AGPAT4: variants seen among roughly 807,000 people sequenced by gnomAD.
AGPAT4 encodes the protein 1-acyl-sn-glycerol-3-phosphate acyltransferase delta.
Under a neutral mutation model 48.0 loss-of-function variants are expected in AGPAT4, and 15 were observed. That is an observed-to-expected ratio of 0.31 (90% CI 0.21 to 0.48). The LOEUF is 0.48. AGPAT4 is among the 20% of genes least tolerant of loss of function. The probability of loss-of-function intolerance (pLI) is 0.99; values close to 1 mark genes in which losing one functional copy is unlikely to be tolerated. For synonymous variants in AGPAT4, 178 were observed against 198.7 expected, an observed-to-expected ratio of 0.90 and a Z score of 0.88; for missense variants, 314 against 482.5, an observed-to-expected ratio of 0.65 and a Z score of 3.27.
At chr6:161,252,562 G>A (rs781279477) in intron 1 of AGPAT4, among the ~76,000 whole-genome samples, 23 of 152,156 alleles carry the variant, frequency 1.5e-4, no homozygotes, top group Admixed American at 2.6e-4. Context: ...AGAAGCTCAC[G>A]CCTATAGTCC....
chr6:161,211,561 C>T (rs764262754), intron 2 of AGPAT4, among the ~76,000 whole-genome samples: 5 of 151,846 alleles, frequency 3.3e-5, no homozygotes, highest in South Asian at 4.1e-4. Context: ...GAAAGAGGGA[C>T]GTTCAGGACA....
rs1301942629 is a variant in AGPAT4, at chr6:161,201,256, C to T, written c.178+30780G>A. On this transcript the variant is annotated intron_variant, in intron 2 of 8. Transcript: ENST00000320285. The surrounding 1 kb of genome is among the most constrained non-coding windows in gnomAD (Gnocchi z 6.0). ...TCAGATAAGGTGAAGGTTAAGAAGCCATTAATGAAAAATGACAATTTTCTC... is the reference window on the plus strand; with the variant it reads ...TCAGATAAGGTGAAGGTTAAGAAGCTATTAATGAAAAATGACAATTTTCTC... Among the ~76,000 whole-genome samples, 2 of 152,024 alleles carry T rather than the reference C, an allele frequency of 1.3e-5. No homozygotes were observed. The highest frequency in any genetic ancestry group is 3.9e-4 in the East Asian group (2 of 5,190).
At position 161,146,817 on chromosome 6, in the gene AGPAT4, G is replaced by A. The variant is rs112206510; in HGVS notation, c.768-218C>T. The stretch of plus-strand genomic sequence containing the variant: ...ATGACCCACGAAGGAACAACCCAGG[G>A]GCCAATTCAATGGCACAGACAGATG... On this transcript the variant is annotated intron_variant, in intron 6 of 8. Coordinates refer to ENST00000320285, the MANE Select transcript of AGPAT4 (RefSeq NM_020133.3). The surrounding 1 kb of genome is among the most constrained non-coding windows in gnomAD (Gnocchi z 7.1). Among the ~76,000 whole-genome samples the A allele has an allele frequency of 0.011, 1,686 of 152,106 alleles. 36 individuals carry two copies. Among genetic ancestry groups the A allele is most frequent in the African/African-American group, 0.039 (1,605 of 41,474 alleles).
chr6:161,159,616 T>C lies in AGPAT4; in HGVS notation c.349-5306A>G, dbSNP rs1779863889. ...CAGTTTGTGTGCACGCGTGCGTGTGTGTGTGTGTTCATCAAAAGGTGAGAG... is the reference window on the plus strand; with the variant it reads ...CAGTTTGTGTGCACGCGTGCGTGTGCGTGTGTGTTCATCAAAAGGTGAGAG... On this transcript the variant is annotated intron_variant, in intron 3 of 8. Coordinates refer to ENST00000320285, the MANE Select transcript of AGPAT4 (RefSeq NM_020133.3). This position sits in a 1 kb window ranked among gnomAD's most constrained non-coding sequence, Gnocchi z 4.1. 6.6e-6 allele frequency among the ~76,000 whole-genome samples: 1 copy of C among 152,200 alleles called. No homozygotes were observed. The highest frequency in any genetic ancestry group is 1.5e-5 in the Non-Finnish European group (1 of 68,038).
intron 2 of AGPAT4, among the ~76,000 whole-genome samples, chr6:161,192,597 G>A (rs910721): frequency 0.89 from 136,128 of 152,276 alleles, 60,999 homozygotes; most frequent in African/African-American, 0.97. Flanking sequence ...ATCTATCCAC[G>A]TATCACCTTT....
In AGPAT4 at chr6:161,218,254, A is replaced by G. The variant is rs1279932692; in HGVS notation, c.178+13782T>C. ...AGGGGAGGCAGTAGGTGGGAGGAAA[A>G]AAAGCCCTGATTTATAGTTCTGCCG... On this transcript the variant is annotated intron_variant, in intron 2 of 8. Coordinates refer to ENST00000320285, the MANE Select transcript of AGPAT4 (RefSeq NM_020133.3). This position sits in a 1 kb window ranked among gnomAD's most constrained non-coding sequence, Gnocchi z 4.7. Among the ~76,000 whole-genome samples the G allele has an allele frequency of 6.6e-6, 1 of 152,206 alleles. No homozygotes were observed. The highest frequency in any genetic ancestry group is 1.5e-5 in the Non-Finnish European group (1 of 68,038).
intron 2 of AGPAT4, among the ~76,000 whole-genome samples, chr6:161,179,717 C>T (rs1209908131): frequency 6.6e-6 from 1 of 152,116 alleles, no homozygotes; most frequent in African/African-American, 2.4e-5. Flanking sequence ...AGGATGAAGA[C>T]CTCTATGATG....
intron 2 of AGPAT4, among the ~76,000 whole-genome samples, chr6:161,176,433 GT>G (rs1562324960): frequency 6.6e-6 from 1 of 152,170 alleles, no homozygotes; most frequent in East Asian, 1.9e-4. Flanking sequence ...TTTAAAGTCT[GT>G]TTTATCAGAG....
rs1562343648 is a variant in AGPAT4 at position 161,219,874 on chromosome 6, G to GATA, written c.178+12161_178+12162insTAT. 0.029 allele frequency among the ~76,000 whole-genome samples: 3,271 copies of GATA among 112,092 alleles called. 61 individuals carry two copies. The highest frequency in any genetic ancestry group is 0.035 in the Non-Finnish European group (1,788 of 51,690). 73.5% of individuals were successfully genotyped at this position (112,092 alleles called of 152,430 possible). On this transcript the variant is annotated intron_variant, in intron 2 of 8. Transcript: ENST00000320285. This position sits in a 1 kb window ranked among gnomAD's most constrained non-coding sequence, Gnocchi z 4.9. The stretch of plus-strand genomic sequence containing the variant: ...AGATAGATAGATAGATAGATAGATA[G>GATA]GCAGGCAGGCAGGCAGGCAGGCAGG...
intron 1 of AGPAT4, among the ~76,000 whole-genome samples, chr6:161,260,744 G>A (rs1425498716): frequency 6.6e-6 from 1 of 151,138 alleles, no homozygotes; most frequent in East Asian, 1.9e-4. Flanking sequence ...AACATTAGCT[G>A]GGTGTGGTGG....
At chr6:161,211,907 A>AG (rs1781531824) in intron 2 of AGPAT4, among the ~76,000 whole-genome samples, 1 of 152,184 alleles carries the variant, frequency 6.6e-6, no homozygotes, top group African/African-American at 2.4e-5. Context: ...CCTGAGACAC[A>AG]GGGCCAGAAA....
intron 2 of AGPAT4, among the ~76,000 whole-genome samples, chr6:161,181,451 C>T (rs1271880681): frequency 1.3e-5 from 2 of 150,786 alleles, no homozygotes; most frequent in African/African-American, 4.9e-5. Context: ...CACACCCATA[C>T]TTCCAGGAAA....
At position 161,142,810 on chromosome 6, in the gene AGPAT4, C is replaced by G. The variant is rs938528508; in HGVS notation, c.844-3190G>C. Among the ~76,000 whole-genome samples, 1 of 152,210 alleles carries G rather than the reference C, an allele frequency of 6.6e-6. No individual in the cohort carries two copies. Among genetic ancestry groups the G allele is most frequent in the Non-Finnish European group, 1.5e-5 (1 of 68,038 alleles). On this transcript the variant is annotated intron_variant, in intron 7 of 8. Coordinates refer to ENST00000320285, the MANE Select transcript of AGPAT4 (RefSeq NM_020133.3). The surrounding 1 kb of genome is among the most constrained non-coding windows in gnomAD (Gnocchi z 6.4). ...TTGGTCTCAGCCCGCAGACACCACC[C>G]GAGTGCACGGCCAGGACTTGCAAAG... is the stretch of plus-strand genomic sequence containing the variant.
chr6:161,171,677 C>T lies in AGPAT4; in HGVS notation c.179-5260G>A, dbSNP rs558037431. On this transcript the variant is annotated intron_variant, in intron 2 of 8. Transcript: ENST00000320285. The surrounding 1 kb of genome is among the most constrained non-coding windows in gnomAD (Gnocchi z 4.4). The stretch of plus-strand genomic sequence containing the variant: ...GGCCAAGGCAGGCAGATCACAAGGT[C>T]AGGAGATCGAGACCATCCTGGCTAA... Among the ~76,000 whole-genome samples the T allele has an allele frequency of 6.6e-6, 1 of 150,590 alleles. No homozygotes were observed. The highest frequency in any genetic ancestry group is 2.1e-4 in the South Asian group (1 of 4,756).
At chr6:161,237,409 T>A (rs115504422) in intron 1 of AGPAT4, among the ~76,000 whole-genome samples, 1 of 152,320 alleles carries the variant, frequency 6.6e-6, no homozygotes, top group African/African-American at 2.4e-5. Context: ...TCTTACTGAA[T>A]ACCAGAAGAA....
chr6:161,268,900 G>A (rs1426354135), intron 1 of AGPAT4, among the ~76,000 whole-genome samples: 5 of 152,120 alleles, frequency 3.3e-5, no homozygotes, highest in African/African-American at 7.2e-5. Flanking sequence ...AACACTGTTC[G>A]TGTTGGGTCT....
intron 1 of AGPAT4, among the ~76,000 whole-genome samples, chr6:161,271,701 G>GT (rs1205533099): frequency 1.3e-5 from 2 of 152,156 alleles, no homozygotes; most frequent in African/African-American, 4.8e-5. Context: ...GTTTTTTGTT[G>GT]TTTTTGTTTT....
intron 1 of AGPAT4, among the ~76,000 whole-genome samples, chr6:161,253,034 T>C (rs903738036): frequency 6.6e-6 from 1 of 151,232 alleles, no homozygotes; most frequent in Non-Finnish European, 1.5e-5. Flanking sequence ...GCCAATACGG[T>C]GAAACCCCGT....
intron 2 of AGPAT4, among the ~76,000 whole-genome samples, chr6:161,228,661 TAA>T (rs375011382): frequency 4.0e-4 from 34 of 84,056 alleles, no homozygotes; most frequent in Admixed American, 5.1e-4. Context: ...GTCAGAGAGG[TAA>T]AAAAAAAAAA....
Sources: allele counts gnomAD v4.1 joint callset (sites outside exome capture counted in the v4.1 genomes callset), GRCh38; gene constraint gnomAD v4.1.1; non-coding constraint Gnocchi (gnomAD v3.1); transcripts MANE v1.5; gene names NCBI Gene and HGNC (gene_info 2026-07-23, HGNC 2026-07-21).